The following CDH12 variants were observed in gnomAD, a reference collection of about 807,000 sequenced individuals.
The protein encoded by CDH12 is cadherin-12.
Under a neutral mutation model 74.1 loss-of-function variants are expected in CDH12, and 41 were observed. The ratio of observed to expected loss-of-function variants is 0.55; its 90% CI spans 0.43 to 0.72. The LOEUF is 0.72. Among genes scored for constraint, CDH12 ranks in the 30% least tolerant of loss-of-function variants. The pLI is 0.00. For missense variants in CDH12, 945 were observed against 977.2 expected, an observed-to-expected ratio of 0.97 and a Z score of 0.44; for synonymous variants, 399 against 355.0, an observed-to-expected ratio of 1.12 and a Z score of -1.39.
intron 5 of CDH12, among the ~76,000 whole-genome samples, chr5:22,069,023 TG>T (rs1480688197): frequency 3.3e-5 from 5 of 152,184 alleles, no homozygotes; most frequent in Non-Finnish European, 7.3e-5. Context: ...ACTTTCATCA[TG>T]GAAGGAGCAG....
At chr5:22,529,180 TATATATATAG>T (rs1336799314) in intron 1 of CDH12, among the ~76,000 whole-genome samples, 20 of 86,474 alleles carry the variant, frequency 2.3e-4, no homozygotes, top group African/African-American at 6.6e-4. Flanking sequence ...TATATATATA[TATATATATAG>T]AGAGAGAGAG....
At chr5:22,307,599 G>T (rs1169496505) in intron 3 of CDH12, among the ~76,000 whole-genome samples, 1 of 152,112 alleles carries the variant, frequency 6.6e-6, no homozygotes, top group Non-Finnish European at 1.5e-5. Flanking sequence ...CTCATCAGGA[G>T]ACCATTTGAC....
At chr5:22,825,444 T>TA (rs1736270029) in intron 1 of CDH12, among the ~76,000 whole-genome samples, 1 of 152,054 alleles carries the variant, frequency 6.6e-6, no homozygotes, top group Admixed American at 6.6e-5. Flanking sequence ...CGAAGAAAGT[T>TA]AGAGTAAGCC....
chr5:22,227,156 A>G (rs1032769383), intron 3 of CDH12, among the ~76,000 whole-genome samples: 2 of 152,118 alleles, frequency 1.3e-5, no homozygotes, highest in Admixed American at 1.3e-4. Flanking sequence ...TCCTAATTGC[A>G]TGACACTGGA....
rs1038740099 is a variant in CDH12, at chr5:22,043,158, G to A, written c.231+35288C>T. ...ACACAACCACAACAAAAAAATTACC[G>A]GCCAATATTCCTGATAAGTACATAT... On this transcript the variant is annotated intron_variant, in intron 5 of 14. Coordinates refer to ENST00000382254, the MANE Select transcript of CDH12 (RefSeq NM_004061.5). Among the ~76,000 whole-genome samples, 9 of 151,982 alleles carry A rather than the reference G, an allele frequency of 5.9e-5. No individual in the cohort carries two copies. The East Asian group carries it at 1.2e-3, about 20-fold the overall frequency.
chr5:22,143,936 G>T (rs928291452), intron 4 of CDH12: 1 of 151,902 alleles, frequency 6.6e-6, no homozygotes, highest in Non-Finnish European at 1.5e-5. Context: ...TAAATGACAA[G>T]TCATACTGCC....
chr5:22,318,153 T>A (rs1738710852), intron 3 of CDH12, among the ~76,000 whole-genome samples: 1 of 152,192 alleles, frequency 6.6e-6, no homozygotes, highest in Non-Finnish European at 1.5e-5. Context: ...GAGTGTCAAA[T>A]CAAATCACTT....
intron 1 of CDH12, among the ~76,000 whole-genome samples, chr5:22,526,357 A>T (rs1737280720): frequency 6.6e-6 from 1 of 152,208 alleles, no homozygotes; most frequent in South Asian, 2.1e-4. Context: ...GGGAAAGGTG[A>T]TCAATATTTC....
intron 4 of CDH12, among the ~76,000 whole-genome samples, chr5:22,163,225 C>G (rs1436230961): frequency 6.6e-6 from 1 of 152,100 alleles, no homozygotes; most frequent in Non-Finnish European, 1.5e-5. Flanking sequence ...AGTCCTCGGC[C>G]CTCGTTTATC....
intron 5 of CDH12, among the ~76,000 whole-genome samples, chr5:21,997,720 CA>C (rs1296939852): frequency 6.6e-6 from 1 of 152,014 alleles, no homozygotes; most frequent in Non-Finnish European, 1.5e-5. Context: ...CTCTCATAGT[CA>C]AAAGATATGA....
chr5:22,073,380 A>T (rs1052312293), intron 5 of CDH12, among the ~76,000 whole-genome samples: 5 of 152,166 alleles, frequency 3.3e-5, no homozygotes, highest in African/African-American at 1.2e-4. Flanking sequence ...CTTGGAGGCT[A>T]TGAAAAAACT....
chr5:22,171,815 G>A lies in CDH12; in HGVS notation c.-187+40683C>T, dbSNP rs555282211. Among the ~76,000 whole-genome samples the A allele has an allele frequency of 5.5e-4, 84 of 152,022 alleles. 2 individuals are homozygous for A. The highest frequency in any genetic ancestry group is 1.9e-3 in the African/African-American group (78 of 41,518). ...TATCCCTTTGCTCAAGAAAGTGGAA[G>A]TGTTTGGTTATATATCACCTGGAAA... On this transcript the variant is annotated intron_variant, in intron 4 of 14. Transcript: ENST00000382254.
intron 1 of CDH12, among the ~76,000 whole-genome samples, chr5:22,524,425 C>A (rs1051255400): frequency 3.3e-5 from 5 of 152,186 alleles, no homozygotes; most frequent in African/African-American, 1.2e-4. Context: ...GTTTGTGCAT[C>A]TCTTATGGCA....
At chr5:22,255,339 A>C (rs1753274124) in intron 3 of CDH12, among the ~76,000 whole-genome samples, 1 of 151,802 alleles carries the variant, frequency 6.6e-6, no homozygotes, top group African/African-American at 2.4e-5. Flanking sequence ...TGATCTCATG[A>C]AAAGTATTAT....
chr5:22,395,957 C>T (rs1428647513), intron 3 of CDH12, among the ~76,000 whole-genome samples: 1 of 152,066 alleles, frequency 6.6e-6, no homozygotes, highest in Non-Finnish European at 1.5e-5. Flanking sequence ...CATCTTTAAC[C>T]TCATTCCTTG....
At chr5:21,975,885 T>C (rs1757053665) in intron 5 of CDH12, among the ~76,000 whole-genome samples, 2 of 152,122 alleles carry the variant, frequency 1.3e-5, no homozygotes, top group African/African-American at 4.8e-5. Flanking sequence ...TGTTTCATTT[T>C]AAATAAACAT....
chr5:22,191,856 G>A lies in CDH12; in HGVS notation c.-187+20642C>T, dbSNP rs562962526. On this transcript the variant is annotated intron_variant, in intron 4 of 14. Transcript: ENST00000382254. ...TGGGATTACAGGCGTGAGCCACCGC[G>A]CCCGGCCCACCAATGGTCTTTAAAG... Among the ~76,000 whole-genome samples, 13 of 152,096 alleles carry A rather than the reference G, an allele frequency of 8.5e-5. No individual in the cohort carries two copies. In the East Asian group the frequency reaches 1.8e-3, roughly 20 times the overall value.
At chr5:22,513,302 T>C (rs1736684266) in intron 1 of CDH12, among the ~76,000 whole-genome samples, 1 of 151,760 alleles carries the variant, frequency 6.6e-6, no homozygotes, top group South Asian at 2.1e-4. Flanking sequence ...CTGATACAGC[T>C]GAGCATTACT....
chr5:22,812,255 C>A (rs1173139217), intron 1 of CDH12, among the ~76,000 whole-genome samples: 1 of 151,968 alleles, frequency 6.6e-6, no homozygotes, highest in Non-Finnish European at 1.5e-5. Flanking sequence ...ATTACAGGTG[C>A]TAGTATAAGG....
Sources: gnomAD v4.1 joint callset for allele counts (sites outside exome capture counted in the v4.1 genomes callset) on GRCh38, gnomAD v4.1.1 for gene constraint, MANE v1.5 for transcripts, NCBI Gene and HGNC (gene_info 2026-07-23, HGNC 2026-07-21) for gene names.